The following SAMD11 variants were observed in gnomAD, a reference collection of about 807,000 sequenced individuals.
SAMD11 encodes sterile alpha motif domain containing 11.
SAMD11 carries 77 observed loss-of-function variants against 64.4 expected under a neutral mutation model. That is an observed-to-expected ratio of 1.20 (90% CI 0.99 to 1.44). The LOEUF is 1.44. SAMD11 is among the 40% of genes most tolerant of loss of function. The probability of loss-of-function intolerance (pLI) is 0.00; values close to 1 mark genes in which losing one functional copy is unlikely to be tolerated. For missense variants in SAMD11, 1,402 were observed against 943.3 expected (o/e 1.49, Z -6.37); for synonymous variants, 658 against 421.9 (o/e 1.56, Z -6.86).
At position 924,250 on chromosome 1, in the gene SAMD11, G is replaced by A. The variant is rs1298933283; in HGVS notation, c.-182G>A. ...CCTCTGAGGCCCCGCCGGCCGGCTG[G>A]GCAGTCCGGGGAGGCCTGGCGGGCG... is the stretch of plus-strand genomic sequence containing the variant. On this transcript the variant is annotated 5_prime_UTR_variant, in exon 1 of 14. An upstream open reading frame in the 5' UTR gains an earlier in-frame stop. Coordinates refer to ENST00000616016, the MANE Select transcript of SAMD11 (RefSeq NM_001385641.1). The A allele has an allele frequency of 6.7e-6, 1 of 149,432 alleles. No homozygotes were observed. The highest frequency in any genetic ancestry group is 1.5e-5 in the Non-Finnish European group (1 of 67,084). 9.3% of individuals were successfully genotyped at this position (149,432 alleles called of 1,614,324 possible). A position where few individuals can be genotyped will look rare whatever the true frequency, so the allele number is the denominator to read the frequency against.
At chr1:940,189 C>T (rs539636707) in intron 7 of SAMD11, among the ~76,000 whole-genome samples, 34 of 151,636 alleles carry the variant, frequency 2.2e-4, no homozygotes, top group Middle Eastern at 3.4e-3. Flanking sequence ...ATGTAAAAAT[C>T]CTCCTTTTTA....
chr1:930,892 T>C (rs544369352), intron 3 of SAMD11, 147 bp from the exon 4 acceptor site: 1 of 755,428 alleles, frequency 1.3e-6, no homozygotes, highest in African/African-American at 1.7e-5. Flanking sequence ...CAGGTGGTGC[T>C]GGGCATGGCA....
Position 930,252 on chromosome 1 carries a change from A to G in SAMD11, c.707A>G (p.Asp236Gly). 1 of 1,606,034 alleles carries G rather than the reference A, an allele frequency of 6.2e-7. No individual in the cohort carries two copies. Among genetic ancestry groups the G allele is most frequent in the African/African-American group, 1.3e-5 (1 of 74,942 alleles). The change falls in exon 3 of 14, where the codon GAC (aspartate) becomes GGC (glycine). Residue 236 changes from aspartate (D) to glycine (G), a missense_variant. Transcript: ENST00000616016. ...CCCAGCTTCTCTGCCAGCGATGGTGACAGCGACGGGAGTGGCCCCACCTGT... is the reference window on the plus strand; with the variant it reads ...CCCAGCTTCTCTGCCAGCGATGGTGGCAGCGACGGGAGTGGCCCCACCTGT... The part of the protein sequence containing the change: ...RTPSFSASDG[D>G]SDGSGPTCGR...
chr1:935,410 TC>T (rs1157095750), intron 4 of SAMD11, among the ~76,000 whole-genome samples: 1 of 147,314 alleles, frequency 6.8e-6, no homozygotes, highest in Non-Finnish European at 1.5e-5. Context: ...CCTGAGCAGA[TC>T]GGCCTCTTCC....
chr1:943,907 G>C lies in SAMD11; in HGVS notation c.2290-1G>C. ...GCCCCCACCAGGCCATCTCTCTGCAGGTGGCCAGGCGCCTGGGCCGAGTTT... is the reference window on the plus strand; with the variant it reads ...GCCCCCACCAGGCCATCTCTCTGCACGTGGCCAGGCGCCTGGGCCGAGTTT... On this transcript the variant is annotated splice_acceptor_variant, in intron 13 of 13. Transcript: ENST00000616016. LOFTEE classifies it high-confidence loss of function. 1 of 1,612,882 alleles carries C rather than the reference G, an allele frequency of 6.2e-7. No homozygotes were observed. The highest frequency in any genetic ancestry group is 1.3e-5 in the African/African-American group (1 of 75,054).
chr1:924,223 G>A lies in SAMD11; in HGVS notation c.-209G>A, dbSNP rs944906239. The A allele has an allele frequency of 6.7e-5, 10 of 149,812 alleles. No homozygotes were observed. The highest frequency in any genetic ancestry group is 2.0e-4 in the East Asian group (1 of 5,104). The allele number at this position is 149,812 out of a possible 1,614,324, so 9.3% of individuals were successfully genotyped here. On this transcript the variant is annotated 5_prime_UTR_variant, in exon 1 of 14. Transcript: ENST00000616016. ...GGATCGATAGCAGCTCCATGTCTCC[G>A]GCCTCTGAGGCCCCGCCGGCCGGCT...
intron 4 of SAMD11, among the ~76,000 whole-genome samples, chr1:934,848 G>A (rs28633915): frequency 5.0e-4 from 1 of 2,006 alleles, no homozygotes; most frequent in East Asian, 0.1. Flanking sequence ...ACAGGTGGGC[G>A]GGGGAGGCGG....
chr1:933,549 G>GA (rs1557603258), intron 4 of SAMD11, among the ~76,000 whole-genome samples: 1 of 32,150 alleles, frequency 3.1e-5, no homozygotes, highest in Admixed American at 3.1e-4. Context: ...GGACACCAGA[G>GA]GGGGGACCCC....
At position 937,396 on chromosome 1, in the gene SAMD11, GCCC is replaced by G. The variant is rs5772023; in HGVS notation, c.967+1509_967+1511del. Among the ~76,000 whole-genome samples, 613 of 134,730 alleles carry G rather than the reference GCCC, an allele frequency of 4.5e-3. 6 individuals are homozygous for G. The highest frequency in any genetic ancestry group is 0.03 in the East Asian group (135 of 4,438). 88.4% of individuals were successfully genotyped at this position (134,730 alleles called of 152,430 possible). A position where few individuals can be genotyped will look rare whatever the true frequency, so the allele number is the denominator to read the frequency against. ...TCTCATTGCAGGCCCCCTTCCACCT[GCCC>G]CCCCCCCCACCCAGTCACCTCCCCC... On this transcript the variant is annotated intron_variant, in intron 5 of 13. Transcript: ENST00000616016.
chr1:942,991 G>C lies in SAMD11; in HGVS notation c.1986G>C (p.Lys662Asn). 6.5e-7 allele frequency: 1 copy of C among 1,538,858 alleles called. No individual in the cohort carries two copies. ...CTGGAGGGGCCGGCGCCGAGGGGAA[G>C]GGGCTTTTCCCAGGGTCCACACTGC... ...APAGGAGAEGKGLFPGSTLPL... is the reference protein window; with the variant it reads ...APAGGAGAEGNGLFPGSTLPL... Residue 662 changes from lysine to asparagine, a missense_variant, in exon 11 of 14, where the codon AAG becomes AAC. Physicochemically the swap from Lys to Asn is moderately conservative, Grantham distance 94. Transcript: ENST00000616016.
chr1:941,578 C>G (rs1641768651), intron 8 of SAMD11, among the ~76,000 whole-genome samples: 1 of 151,944 alleles, frequency 6.6e-6, no homozygotes, highest in African/African-American at 2.4e-5. Context: ...CGGGGTCAGT[C>G]GGGAGGGGTC....
Position 942,146 on chromosome 1 carries a change from C to G in SAMD11, c.1369C>G (p.Gln457Glu), listed in dbSNP as rs1557609685. 3 of 1,359,842 alleles carry G rather than the reference C, an allele frequency of 2.2e-6. No homozygotes were observed. The highest frequency in any genetic ancestry group is 2.9e-6 in the Non-Finnish European group (3 of 1,019,080). The allele number at this position is 1,359,842 out of a possible 1,614,324, so 84.2% of individuals were successfully genotyped here. ...APSFSERELPQPPPLLSPQNA... is the reference protein window; with the variant it reads ...APSFSERELPEPPPLLSPQNA... ...CGCTGCCGTCCACAGGGAGCTGCCT[C>G]AGCCGCCCCCCTTGCTGTCGCCGCA... is the stretch of plus-strand genomic sequence containing the variant. Residue 457 changes from glutamine (Q) to glutamate (E), a missense_variant, in exon 9 of 14, where the codon CAG (glutamine) becomes GAG (glutamate). Gln to Glu is a conservative substitution (Grantham distance 29). Transcript: ENST00000616016.
In SAMD11 at chr1:935,848, C is replaced by G; in HGVS notation, c.919C>G (p.Arg307Gly). ...RHLVMPEHQS[R>G]CEFQRGSLEI... ...CCTCGTTATGCCCGAGCATCAGAGC[C>G]GCTGTGAATTCCAGAGAGGCAGCCT... is the stretch of plus-strand genomic sequence containing the variant. The change falls in exon 5 of 14, where the codon CGC (arginine) becomes GGC (glycine). Residue 307 changes from arginine (R) to glycine (G), a missense_variant. By Grantham distance (125) the Arg-to-Gly change is moderately radical. Transcript: ENST00000616016. The G allele has an allele frequency of 6.2e-7, 1 of 1,613,302 alleles. No individual in the cohort carries two copies. The highest frequency in any genetic ancestry group is 8.5e-7 in the Non-Finnish European group (1 of 1,179,858).
At chr1:929,333 G>T (rs1226296981) in intron 2 of SAMD11, among the ~76,000 whole-genome samples, 1 of 152,226 alleles carries the variant, frequency 6.6e-6, no homozygotes, top group African/African-American at 2.4e-5. Flanking sequence ...GGAGATGGGA[G>T]AAAGAAGCCC....
chr1:928,431 G>A (rs1332370614), intron 2 of SAMD11, among the ~76,000 whole-genome samples: 2 of 152,244 alleles, frequency 1.3e-5, no homozygotes, highest in African/African-American at 4.8e-5. Context: ...AGGAGAGGCT[G>A]TCAGAGCCTC....
At chr1:936,969 CTGG>C (rs1445142858) in intron 5 of SAMD11, among the ~76,000 whole-genome samples, 2 of 152,186 alleles carry the variant, frequency 1.3e-5, no homozygotes, top group African/African-American at 4.8e-5. Context: ...ATGTCTGTGT[CTGG>C]GGTCCTGTGG....
chr1:936,812 G>A (rs1355578623), intron 5 of SAMD11, among the ~76,000 whole-genome samples: 1 of 152,182 alleles, frequency 6.6e-6, no homozygotes, highest in Non-Finnish European at 1.5e-5. Context: ...AGACAGCTGA[G>A]AGGCGGTTGA....
rs1336115783 is a variant in SAMD11 at position 931,068 on chromosome 1, C to T, written c.821C>T (p.Ser274Phe). 5.0e-6 allele frequency: 8 copies of T among 1,612,804 alleles called. No homozygotes were observed. Among genetic ancestry groups the T allele is most frequent in the Non-Finnish European group, 6.8e-6 (8 of 1,179,670 alleles). ...CACACCCACTGGGACGTGAACATCT[C>T]TTTCCGAGAGGCGTCCTGCAGGTAG... Reference protein sequence around the residue: ...RVHTHWDVNISFREASCSQDG... With the variant: ...RVHTHWDVNIFFREASCSQDG... Residue 274 changes from serine (S) to phenylalanine (F), a missense_variant, in exon 4 of 14, where the codon TCT becomes TTT. By Grantham distance (155) the Ser-to-Phe change is radical. Coordinates refer to ENST00000616016, the MANE Select transcript of SAMD11 (RefSeq NM_001385641.1).
chr1:933,355 C>T (rs565688245), intron 4 of SAMD11, among the ~76,000 whole-genome samples: 33 of 152,306 alleles, frequency 2.2e-4, no homozygotes, highest in South Asian at 4.1e-4. Context: ...AAGGCAGAGA[C>T]CAGGGGCGGG....
Sources: gnomAD v4.1 joint callset for allele counts (sites outside exome capture counted in the v4.1 genomes callset) on GRCh38, gnomAD v4.1.1 for gene constraint, MANE v1.5 for transcripts, NCBI Gene and HGNC (gene_info 2026-07-23, HGNC 2026-07-21) for gene names.